PSME3IP1: variants seen among roughly 807,000 people sequenced by gnomAD.
PSME3IP1 encodes the protein PSME3-interacting protein.
A neutral mutation model predicts 34.1 loss-of-function variants in PSME3IP1; 13 were observed. The observed-to-expected ratio is 0.38, with a 90% CI of 0.25 to 0.61. The LOEUF is 0.61. Among genes scored for constraint, PSME3IP1 ranks in the 20% least tolerant of loss-of-function variants. PSME3IP1 has a pLI of 0.60. For missense variants in PSME3IP1, 237 were observed against 301.4 expected, an observed-to-expected ratio of 0.79 and a Z score of 1.58; for synonymous variants, 93 against 114.3, an observed-to-expected ratio of 0.81 and a Z score of 1.19.
At chr16:57,169,058 GAA>G (rs1415318815) in intron 4 of PSME3IP1, among the ~76,000 whole-genome samples, 5 of 151,958 alleles carry the variant, frequency 3.3e-5, no homozygotes, top group Non-Finnish European at 5.9e-5. Flanking sequence ...TTGAAATGAA[GAA>G]AAGTCCTAAC....
rs547655914 is a variant in PSME3IP1, at chr16:57,152,535, ACTT to A, written c.*1752_*1754del. 3.9e-5 allele frequency: 6 copies of A among 152,470 alleles called. No individual in the cohort carries two copies. Among genetic ancestry groups the A allele is most frequent in the Non-Finnish European group, 7.3e-5 (5 of 68,034 alleles). 9.4% of individuals were successfully genotyped at this position (152,470 alleles called of 1,614,324 possible). ...TTTTAAACCCTGCAACCCTCTGTCAACTTCTTTCCACATCAAGAGGCCATGAGA... is the reference window on the plus strand; with the variant it reads ...TTTTAAACCCTGCAACCCTCTGTCAACTTTCCACATCAAGAGGCCATGAGA... On this transcript the variant is annotated 3_prime_UTR_variant, in exon 7 of 7. Coordinates refer to ENST00000309137, the MANE Select transcript of PSME3IP1 (RefSeq NM_024946.4).
At chr16:57,176,973 G>A (rs1429752999) in intron 1 of PSME3IP1, among the ~76,000 whole-genome samples, 2 of 152,090 alleles carry the variant, frequency 1.3e-5, no homozygotes, top group African/African-American at 4.8e-5. Flanking sequence ...TCCTGCCTCA[G>A]CCTCCTGAGT....
intron 4 of PSME3IP1, among the ~76,000 whole-genome samples, chr16:57,168,425 T>C (rs891896341): frequency 6.6e-6 from 1 of 152,164 alleles, no homozygotes; most frequent in Admixed American, 6.5e-5. Flanking sequence ...ATATAATGCT[T>C]AGTACTATTA....
At chr16:57,165,155 A>G (rs1438041518) in intron 5 of PSME3IP1, among the ~76,000 whole-genome samples, 1 of 148,808 alleles carries the variant, frequency 6.7e-6, no homozygotes, top group Non-Finnish European at 1.5e-5. Context: ...AGACACTGTT[A>G]TATATATATA....
At chr16:57,169,620 G>A (rs1198945784) in intron 4 of PSME3IP1, among the ~76,000 whole-genome samples, 1 of 152,150 alleles carries the variant, frequency 6.6e-6, no homozygotes, top group African/African-American at 2.4e-5. Flanking sequence ...TTGTCTCACT[G>A]CTGCCCTGTT....
intron 4 of PSME3IP1, among the ~76,000 whole-genome samples, chr16:57,167,477 T>C (rs2072029026): frequency 6.6e-6 from 1 of 152,132 alleles, no homozygotes; most frequent in South Asian, 2.1e-4. Context: ...AATCTGAGCA[T>C]AGCCACAAAA....
chr16:57,171,288 A>G (rs1489618970), intron 4 of PSME3IP1, among the ~76,000 whole-genome samples: 1 of 152,186 alleles, frequency 6.6e-6, no homozygotes, highest in African/African-American at 2.4e-5. Flanking sequence ...AGCAGGCTGC[A>G]GTACAGTCAA....
intron 6 of PSME3IP1, among the ~76,000 whole-genome samples, chr16:57,158,347 G>A (rs1300461967): frequency 6.6e-6 from 1 of 152,114 alleles, no homozygotes; most frequent in Non-Finnish European, 1.5e-5. Context: ...CAACACTTTG[G>A]GAGACTGGGG....
intron 4 of PSME3IP1, among the ~76,000 whole-genome samples, chr16:57,169,744 A>C (rs1210179916): frequency 2.6e-5 from 4 of 152,252 alleles, no homozygotes; most frequent in African/African-American, 9.6e-5. Context: ...CCAAAATAAA[A>C]CATAATATCA....
intron 4 of PSME3IP1, 114 bp from the exon 5 acceptor site, chr16:57,167,340 A>C (rs1597660760): frequency 2.6e-6 from 3 of 1,165,008 alleles, no homozygotes; most frequent in South Asian, 1.3e-5. Flanking sequence ...TAAATGCCCC[A>C]CCCTTCTTTA....
At chr16:57,169,452 G>A (rs1220523274) in intron 4 of PSME3IP1, among the ~76,000 whole-genome samples, 5 of 152,142 alleles carry the variant, frequency 3.3e-5, no homozygotes, top group Non-Finnish European at 7.3e-5. Flanking sequence ...CATGTCTCTG[G>A]CTACTTGCAT....
At chr16:57,164,320 C>A (rs1379827841) in intron 5 of PSME3IP1, among the ~76,000 whole-genome samples, 2 of 152,216 alleles carry the variant, frequency 1.3e-5, no homozygotes, top group Admixed American at 1.3e-4. Context: ...ACTTCAGATT[C>A]TTGGCCGTCT....
intron 1 of PSME3IP1, 142 bp downstream of exon 1, chr16:57,185,678 CT>C: frequency 1.0e-6 from 1 of 985,568 alleles, no homozygotes. Flanking sequence ...AAGCCCCAGG[CT>C]TCGGCTACTC....
At chr16:57,157,282 C>G (rs998076579) in intron 6 of PSME3IP1, among the ~76,000 whole-genome samples, 1 of 129,730 alleles carries the variant, frequency 7.7e-6, no homozygotes, top group Non-Finnish European at 1.6e-5. Flanking sequence ...CACAGAACTC[C>G]AAACTGGGTG....
Position 57,172,161 on chromosome 16 carries a change from A to T in PSME3IP1, c.348+90T>A. On this transcript the variant is annotated intron_variant, in intron 4 of 6. Coordinates refer to ENST00000309137, the MANE Select transcript of PSME3IP1 (RefSeq NM_024946.4). ...GACTTGAGAGATCACCAGGTAGAAA[A>T]CCCTCTTTCTGTTGATGAGGAGACA... is the stretch of plus-strand genomic sequence containing the variant. 3 of 1,396,698 alleles carry T rather than the reference A, an allele frequency of 2.1e-6. No individual in the cohort carries two copies. The South Asian group carries it at 3.7e-5, about 17-fold the overall frequency. 86.5% of individuals were successfully genotyped at this position (1,396,698 alleles called of 1,614,324 possible).
intron 6 of PSME3IP1, among the ~76,000 whole-genome samples, chr16:57,163,800 T>G (rs2071545193): frequency 1.3e-5 from 2 of 152,234 alleles, no homozygotes; most frequent in Admixed American, 6.5e-5. Context: ...TAATAACTTT[T>G]GCAGGTATAA....
intron 6 of PSME3IP1, among the ~76,000 whole-genome samples, chr16:57,155,508 C>T (rs1402255031): frequency 1.3e-5 from 2 of 152,016 alleles, no homozygotes; most frequent in Non-Finnish European, 2.9e-5. Context: ...GTGGCTCATG[C>T]CTGTAATCCC....
At chr16:57,158,291 T>TA (rs1454538124) in intron 6 of PSME3IP1, among the ~76,000 whole-genome samples, 2 of 152,066 alleles carry the variant, frequency 1.3e-5, no homozygotes, top group Middle Eastern at 3.4e-3. Context: ...TTTGGTTGTT[T>TA]AAAAAAAACA....
chr16:57,166,995 A>C, intron 5 of PSME3IP1, 98 bp downstream of exon 5: 1 of 1,408,364 alleles, frequency 7.1e-7, no homozygotes, highest in Non-Finnish European at 9.8e-7. Context: ...CTTCACCAGG[A>C]CTCACGCGAG....
Sources: allele counts gnomAD v4.1 joint callset (sites outside exome capture counted in the v4.1 genomes callset), GRCh38; gene constraint gnomAD v4.1.1; transcripts MANE v1.5; gene names NCBI Gene and HGNC (gene_info 2026-07-23, HGNC 2026-07-21).